The following ZNF76 variants were observed in gnomAD, a reference collection of about 807,000 sequenced individuals.
ZNF76 encodes zinc finger protein 523.
In ZNF76, 66 loss-of-function variants were observed where a neutral mutation model predicts 66.9. The ratio of observed to expected loss-of-function variants is 0.99; its 90% CI spans 0.81 to 1.21. ZNF76 has a LOEUF of 1.21. Among genes scored for constraint, ZNF76 ranks in the 50% most tolerant of loss-of-function variants. The pLI is 0.00. For synonymous variants in ZNF76, 275 were observed against 296.1 expected (o/e 0.93, Z 0.73); for missense variants, 729 against 760.3 (o/e 0.96, Z 0.48).
At chr6:35,294,369 G>A in intron 12 of ZNF76, 87 bp from the exon 13 acceptor site, 1 of 921,100 alleles carries the variant, frequency 1.1e-6, no homozygotes, top group Non-Finnish European at 1.8e-6. Context: ...GTTGTTCCCA[G>A]CACCTTAATT....
chr6:35,295,025 G>A (rs959676056), intron 13 of ZNF76, 119 bp from the exon 14 acceptor site: 30 of 690,104 alleles, frequency 4.3e-5, no homozygotes, highest in East Asian at 5.5e-5. Flanking sequence ...AGTGCTCAGC[G>A]TGTGGCACTG....
Position 35,292,439 on chromosome 6 carries a change from G to A in ZNF76, c.932-115G>A. The A allele has an allele frequency of 1.9e-6, 2 of 1,054,550 alleles. No individual in the cohort carries two copies. Among genetic ancestry groups the A allele is most frequent in the Non-Finnish European group, 2.8e-6 (2 of 705,318 alleles). The allele number at this position is 1,054,550 out of a possible 1,614,324, so 65.3% of individuals were successfully genotyped here. ...TGTCCATTCAGAGTCTCAGGTCTCA[G>A]TCCCTCTCCCTCCCTCTGGCTCTCC... On this transcript the variant is annotated intron_variant, in intron 9 of 13. Transcript: ENST00000373953. The surrounding 1 kb of genome is among the most constrained non-coding windows in gnomAD (Gnocchi z 4.7).
rs775304902 is a variant in ZNF76, at chr6:35,292,829, G to A, written c.1165+42G>A. On this transcript the variant is annotated intron_variant, in intron 10 of 13. Transcript: ENST00000373953. This position sits in a 1 kb window ranked among gnomAD's most constrained non-coding sequence, Gnocchi z 4.7. Reference sequence around the variant, plus strand: ...GAGGGTGAGAGTGGGGACAAGCCAGGCCTCCCCATGGCATCTGGTAGCAGA... The same window carrying A: ...GAGGGTGAGAGTGGGGACAAGCCAGACCTCCCCATGGCATCTGGTAGCAGA... 6.2e-6 allele frequency: 10 copies of A among 1,613,602 alleles called. No individual in the cohort carries two copies. In the South Asian group the frequency reaches 7.7e-5, roughly 12 times the overall value.
At chr6:35,268,285 CTG>C (rs1334132386) in intron 1 of ZNF76, among the ~76,000 whole-genome samples, 1 of 152,176 alleles carries the variant, frequency 6.6e-6, no homozygotes, top group East Asian at 1.9e-4. Context: ...CATCTGGAAA[CTG>C]TCCCTGTGGC....
Position 35,291,673 on chromosome 6 carries a change from G to C in ZNF76, c.867G>C (p.Glu289Asp). The C allele has an allele frequency of 1.2e-6, 2 of 1,613,636 alleles. No homozygotes were observed. The highest frequency in any genetic ancestry group is 1.7e-6 in the Non-Finnish European group (2 of 1,179,984). The part of the protein sequence containing the change: ...HTGERPYTCP[E>D]PHCGRGFTSA... ...GCGAGAGGCCCTACACCTGCCCGGAGCCCCACTGTGGCCGCGGCTTCACCA... is the reference window on the plus strand; with the variant it reads ...GCGAGAGGCCCTACACCTGCCCGGACCCCCACTGTGGCCGCGGCTTCACCA... The change falls in exon 9 of 14, where the codon GAG becomes GAC. Residue 289 changes from glutamate to aspartate, a missense_variant. By Grantham distance (45) the Glu-to-Asp change is conservative. Transcript: ENST00000373953.
At chr6:35,276,136 G>A (rs1304885836) in intron 1 of ZNF76, among the ~76,000 whole-genome samples, 7 of 152,148 alleles carry the variant, frequency 4.6e-5, no homozygotes, top group Non-Finnish European at 8.8e-5. Context: ...AAGATTAAGA[G>A]TTAATATAGG....
intron 1 of ZNF76, among the ~76,000 whole-genome samples, chr6:35,266,797 C>CTTTTTTTTTTTTTTTTTTTTTTTTTTTTT (rs57833954): frequency 2.1e-5 from 2 of 93,280 alleles, no homozygotes; most frequent in Non-Finnish European, 3.8e-5. Context: ...TTGTCTATTT[C>CTTTTTTTTTTTTTTTTTTTTTTTTTTTTT]TTTTTTTTTT....
chr6:35,294,960 C>T, intron 13 of ZNF76, 184 bp from the exon 14 acceptor site: 1 of 600,578 alleles, frequency 1.7e-6, no homozygotes, highest in Non-Finnish European at 2.9e-6. Context: ...CCTGGCCATG[C>T]CTAGCCTAAT....
intron 4 of ZNF76, chr6:35,286,722 A>C: frequency 2.4e-6 from 1 of 422,936 alleles, no homozygotes; most frequent in Non-Finnish European, 4.3e-6. Context: ...CAGGAAAAAA[A>C]ACTAATATTT....
At chr6:35,267,473 A>G (rs1786323226) in intron 1 of ZNF76, among the ~76,000 whole-genome samples, 1 of 152,234 alleles carries the variant, frequency 6.6e-6, no homozygotes, top group Admixed American at 6.5e-5. Flanking sequence ...TTAAGTGCTT[A>G]GAATAAACAT....
intron 5 of ZNF76, among the ~76,000 whole-genome samples, chr6:35,289,111 G>T (rs1447648521): frequency 1.3e-5 from 2 of 152,132 alleles, no homozygotes; most frequent in Non-Finnish European, 2.9e-5. Context: ...ATCTATGCTT[G>T]CTCTACCTCT....
chr6:35,283,702 C>T (rs1789115177), intron 2 of ZNF76, among the ~76,000 whole-genome samples: 1 of 152,192 alleles, frequency 6.6e-6, no homozygotes, highest in Non-Finnish European at 1.5e-5. Flanking sequence ...TGAAGCAGTA[C>T]CCACTCTGCT....
At chr6:35,273,117 C>G (rs2150349145) in intron 1 of ZNF76, among the ~76,000 whole-genome samples, 1 of 151,654 alleles carries the variant, frequency 6.6e-6, no homozygotes, top group East Asian at 2.0e-4. Context: ...GCTCGCACCA[C>G]TGCACTCTAG....
At chr6:35,278,458 G>C (rs1788259927) in intron 1 of ZNF76, among the ~76,000 whole-genome samples, 1 of 152,234 alleles carries the variant, frequency 6.6e-6, no homozygotes, top group Non-Finnish European at 1.5e-5. Flanking sequence ...CAAAGCCCCA[G>C]TTGGTCGCTT....
chr6:35,292,670 T>C lies in ZNF76; in HGVS notation c.1048T>C (p.Cys350Arg), dbSNP rs1406141060. The C allele has an allele frequency of 6.2e-7, 1 of 1,614,082 alleles. No individual in the cohort carries two copies. The highest frequency in any genetic ancestry group is 1.1e-5 in the South Asian group (1 of 91,074). Residue 350 changes from cysteine to arginine, a missense_variant, in exon 10 of 14, where the codon TGC (cysteine) becomes CGC (arginine). Coordinates refer to ENST00000373953, the MANE Select transcript of ZNF76 (RefSeq NM_003427.5). This position sits in a 1 kb window ranked among gnomAD's most constrained non-coding sequence, Gnocchi z 4.7. The stretch of plus-strand genomic sequence containing the variant: ...CTGCAAGCCCTACACCTGCAGCACC[T>C]GCGGCAAGACCTACCGGCAGACCTC... ...THCKPYTCST[C>R]GKTYRQTSTL...
At chr6:35,274,661 T>C (rs1385473684) in intron 1 of ZNF76, among the ~76,000 whole-genome samples, 1 of 151,968 alleles carries the variant, frequency 6.6e-6, no homozygotes, top group Non-Finnish European at 1.5e-5. Flanking sequence ...GGAGGTTGAG[T>C]TTACAGGAGC....
chr6:35,273,145 G>A (rs1787364856), intron 1 of ZNF76, among the ~76,000 whole-genome samples: 1 of 150,030 alleles, frequency 6.7e-6, no homozygotes, highest in South Asian at 2.2e-4. Flanking sequence ...AACAGAGTGA[G>A]ACTCTGTCTC....
At chr6:35,274,378 C>T (rs569769526) in intron 1 of ZNF76, among the ~76,000 whole-genome samples, 5 of 152,320 alleles carry the variant, frequency 3.3e-5, no homozygotes, top group South Asian at 2.1e-4. Flanking sequence ...AATAGAATAG[C>T]GAACAGGTGC....
intron 7 of ZNF76, 137 bp downstream of exon 7, chr6:35,290,853 C>G (rs1790278487): frequency 2.4e-6 from 2 of 820,514 alleles, no homozygotes; most frequent in South Asian, 1.6e-5. Context: ...GCAGGGTGCT[C>G]TCTCTGGAGG....
Sources: gnomAD v4.1 joint callset for allele counts (sites outside exome capture counted in the v4.1 genomes callset) on GRCh38, gnomAD v4.1.1 for gene constraint, Gnocchi (gnomAD v3.1) non-coding constraint, MANE v1.5 for transcripts, NCBI Gene and HGNC (gene_info 2026-07-23, HGNC 2026-07-21) for gene names.